Variants in C6 observed in about 807,000 individuals in gnomAD.
The protein encoded by C6 is complement C6.
Under a neutral mutation model 112.9 loss-of-function variants are expected in C6, and 101 were observed. The ratio of observed to expected loss-of-function variants is 0.89; its 90% CI spans 0.76 to 1.06. The LOEUF (loss-of-function observed/expected upper bound fraction) is 1.06. Ranked by LOEUF, C6 falls within the 50% of genes least tolerant of loss-of-function variation. The pLI, the probability that C6 is intolerant of heterozygous loss-of-function variation, is 0.00. For synonymous variants in C6, 431 were observed against 384.1 expected (o/e 1.12, Z -1.43); for missense variants, 1,202 against 1,104.6 (o/e 1.09, Z -1.25).
chr5:41,252,306 TG>T (rs1035181039), intron 1 of C6, among the ~76,000 whole-genome samples: 1 of 152,196 alleles, frequency 6.6e-6, no homozygotes, highest in African/African-American at 2.4e-5. Context: ...TCTGCATGGA[TG>T]GCCCCCCTCC....
At chr5:41,193,945 C>T (rs1750415254) in intron 5 of C6, among the ~76,000 whole-genome samples, 1 of 151,924 alleles carries the variant, frequency 6.6e-6, no homozygotes, top group South Asian at 2.1e-4. Context: ...ACTGGTTGTC[C>T]CGAGCCGGCA....
At chr5:41,203,354 C>G (rs1214608216) in intron 1 of C6, 104 bp from the exon 2 acceptor site, 1 of 1,211,948 alleles carries the variant, frequency 8.3e-7, no homozygotes, top group African/African-American at 1.5e-5. Flanking sequence ...AAAATATTTG[C>G]ATTTTTCTGC....
upstream of C6, among the ~76,000 whole-genome samples, chr5:41,215,551 C>CAACT (rs1287814261): frequency 6.6e-6 from 1 of 152,104 alleles, no homozygotes; most frequent in Non-Finnish European, 1.5e-5. Context: ...GTTGCTTCAG[C>CAACT]AACTGCAGGC....
intron 13 of C6, among the ~76,000 whole-genome samples, chr5:41,157,880 G>T (rs566708767): frequency 6.6e-6 from 1 of 152,202 alleles, no homozygotes; most frequent in African/African-American, 2.4e-5. Flanking sequence ...TTAAGGTATG[G>T]TCCTTATGCA....
At chr5:41,194,321 C>T (rs894965260) in intron 5 of C6, among the ~76,000 whole-genome samples, 5 of 151,998 alleles carry the variant, frequency 3.3e-5, no homozygotes, top group African/African-American at 7.3e-5. Flanking sequence ...ATGAGGAAAC[C>T]GAGGCCCAGA....
rs200154625 is a variant in C6, at chr5:41,149,256, A to G, written c.2608T>C (p.Trp870Arg). 1.6e-5 allele frequency: 26 copies of G among 1,613,944 alleles called. No homozygotes were observed. The highest frequency in any genetic ancestry group is 1.8e-5 in the Non-Finnish European group (21 of 1,179,952). The change falls in exon 17 of 18, where the codon TGG becomes CGG. Residue 870 changes from tryptophan (W) to arginine (R), a missense_variant. Physicochemically the swap from Trp to Arg is moderately radical, Grantham distance 101. Coordinates refer to ENST00000337836, the MANE Select transcript of C6 (RefSeq NM_000065.5). ...ESCGYDTCYD[W>R]EKCSASTSKC... ...TGGAACTTACCTGAACATTTTTCCC[A>G]GTCATAGCAGGTGTCATAGCCACAG...
At chr5:41,181,335 A>C (rs750214035) in intron 7 of C6, 24 bp downstream of exon 7, 3 of 1,601,642 alleles carry the variant, frequency 1.9e-6, no homozygotes, top group Admixed American at 3.3e-5. Flanking sequence ...GAAAGAATAA[A>C]AGGTTGGAAA....
intron 1 of C6, among the ~76,000 whole-genome samples, chr5:41,241,312 G>T (rs1005373295): frequency 6.6e-6 from 1 of 152,140 alleles, no homozygotes; most frequent in Non-Finnish European, 1.5e-5. Flanking sequence ...CAGTGGTAGT[G>T]GGTGGGAAGA....
chr5:41,199,690 C>T, intron 4 of C6, 78 bp downstream of exon 4: 1 of 1,360,166 alleles, frequency 7.4e-7, no homozygotes, highest in Non-Finnish European at 1.1e-6. Context: ...ATGGATTCTA[C>T]TGTTAGTCAA....
intron 5 of C6, among the ~76,000 whole-genome samples, chr5:41,194,065 C>CTA (rs1242454622): frequency 6.6e-6 from 1 of 152,096 alleles, no homozygotes; most frequent in Non-Finnish European, 1.5e-5. Context: ...ATCTGTAACT[C>CTA]TAGAGTCTAG....
intron 1 of C6, among the ~76,000 whole-genome samples, chr5:41,205,618 C>A (rs1190989081): frequency 2.0e-5 from 3 of 152,226 alleles, no homozygotes; most frequent in Non-Finnish European, 4.4e-5. Context: ...GAGCCTCTCT[C>A]ACAGCTAGCA....
intron 4 of C6, 91 bp from the exon 5 acceptor site, chr5:41,196,024 G>T: frequency 6.7e-7 from 1 of 1,486,980 alleles, no homozygotes; most frequent in South Asian, 1.2e-5. Flanking sequence ...TAAATTTCAA[G>T]GTAAAGTTGA....
intron 1 of C6, among the ~76,000 whole-genome samples, chr5:41,204,226 A>G (rs543576477): frequency 6.6e-6 from 1 of 152,244 alleles, no homozygotes; most frequent in African/African-American, 2.4e-5. Context: ...CAGTTTCACT[A>G]TCTATAAAAT....
At chr5:41,167,800 T>C (rs1748103549) in intron 9 of C6, among the ~76,000 whole-genome samples, 1 of 152,148 alleles carries the variant, frequency 6.6e-6, no homozygotes, top group Non-Finnish European at 1.5e-5. Context: ...TGGTGAAGCT[T>C]GGGAGGAAGA....
At chr5:41,203,376 C>CAGA in intron 1 of C6, 126 bp from the exon 2 acceptor site, 5 of 854,564 alleles carry the variant, frequency 5.9e-6, no homozygotes, top group Non-Finnish European at 9.4e-6. Context: ...TTCCTTAAGG[C>CAGA]AAGTCAACAC....
chr5:41,198,086 G>A (rs1750742660), intron 4 of C6, among the ~76,000 whole-genome samples: 1 of 152,150 alleles, frequency 6.6e-6, no homozygotes, highest in South Asian at 2.1e-4. Context: ...TGAAAGAAGA[G>A]TTGGTATATT....
chr5:41,232,934 G>C (rs1231089263), intron 1 of C6, among the ~76,000 whole-genome samples: 2 of 151,800 alleles, frequency 1.3e-5, no homozygotes, highest in African/African-American at 4.8e-5. Context: ...TGTAAACCCA[G>C]TATCTATTAC....
intron 5 of C6, 171 bp from the exon 6 acceptor site, chr5:41,186,379 A>G: frequency 1.5e-6 from 1 of 672,160 alleles, no homozygotes; most frequent in Admixed American, 2.6e-5. Flanking sequence ...GAGGCATGCA[A>G]GGAAGCTGGA....
chr5:41,190,810 T>A (rs539457421), intron 5 of C6, among the ~76,000 whole-genome samples: 1 of 152,318 alleles, frequency 6.6e-6, no homozygotes, highest in African/African-American at 2.4e-5. Flanking sequence ...AGTTTCATTC[T>A]TCTGCATATG....
Sources: allele counts gnomAD v4.1 joint callset (sites outside exome capture counted in the v4.1 genomes callset), GRCh38; gene constraint gnomAD v4.1.1; transcripts MANE v1.5; gene names NCBI Gene and HGNC (gene_info 2026-07-23, HGNC 2026-07-21).